The following NRG3 variants were observed in gnomAD, a reference collection of about 807,000 sequenced individuals.
NRG3 encodes pro-neuregulin-3, membrane-bound isoform.
NRG3 carries 31 observed loss-of-function variants against 66.9 expected under a neutral mutation model. The ratio of observed to expected loss-of-function variants is 0.46; its 90% CI spans 0.35 to 0.63. NRG3 has a LOEUF of 0.63. Ranked by LOEUF, NRG3 falls within the 20% of genes least tolerant of loss-of-function variation. The pLI, the probability that NRG3 is intolerant of heterozygous loss-of-function variation, is 0.00. For synonymous variants in NRG3, 393 were observed against 359.4 expected, an observed-to-expected ratio of 1.09 and a Z score of -1.06; for missense variants, 910 against 878.9, an observed-to-expected ratio of 1.04 and a Z score of -0.45.
intron 1 of NRG3, among the ~76,000 whole-genome samples, chr10:82,303,734 G>A (rs953841518): frequency 9.2e-5 from 14 of 152,158 alleles, no homozygotes; most frequent in African/African-American, 1.7e-4. Context: ...CGGGCGTGGT[G>A]GCGAGGGCCT....
chr10:82,665,836 A>G (rs1213362085), intron 2 of NRG3, among the ~76,000 whole-genome samples: 1 of 151,982 alleles, frequency 6.6e-6, no homozygotes, highest in East Asian at 1.9e-4. Context: ...CATCCACTCT[A>G]CTAGCTTTGC....
chr10:82,768,293 G>A (rs952556609), intron 3 of NRG3, among the ~76,000 whole-genome samples: 2 of 152,110 alleles, frequency 1.3e-5, no homozygotes, highest in Non-Finnish European at 2.9e-5. Context: ...TCACTTCTCA[G>A]TTGTGTCCCA....
At chr10:82,785,391 A>T (rs1042552205) in intron 3 of NRG3, among the ~76,000 whole-genome samples, 1 of 151,794 alleles carries the variant, frequency 6.6e-6, no homozygotes, top group African/African-American at 2.4e-5. Context: ...AATTAAATTA[A>T]AAGAAAAAAG....
chr10:82,184,606 C>T (rs895654476), intron 1 of NRG3, among the ~76,000 whole-genome samples: 19 of 152,008 alleles, frequency 1.2e-4, no homozygotes, highest in African/African-American at 4.1e-4. Context: ...TTTTGCAAAC[C>T]CATGACTTAC....
chr10:82,694,597 T>A (rs1197862869), intron 2 of NRG3, among the ~76,000 whole-genome samples: 6 of 151,834 alleles, frequency 4.0e-5, no homozygotes, highest in Non-Finnish European at 8.8e-5. Context: ...CTACTAAAAA[T>A]TTAAAAAATT....
intron 1 of NRG3, among the ~76,000 whole-genome samples, chr10:82,302,854 C>A (rs2080480823): frequency 6.6e-6 from 1 of 152,088 alleles, no homozygotes; most frequent in African/African-American, 2.4e-5. Flanking sequence ...AAGCTTTTGC[C>A]ATTATTTCAA....
chr10:82,440,508 G>A (rs1414720445), intron 2 of NRG3, among the ~76,000 whole-genome samples: 3 of 150,982 alleles, frequency 2.0e-5, no homozygotes, highest in East Asian at 3.9e-4. Flanking sequence ...CCTGTGTCTC[G>A]GAGGCTTTGC....
chr10:82,720,060 A>T (rs77051242), intron 2 of NRG3, among the ~76,000 whole-genome samples: 1,725 of 152,280 alleles, frequency 0.011, 33 homozygotes, highest in African/African-American at 0.031. Context: ...CTTTATCTGT[A>T]CAATAAGTCT....
intron 1 of NRG3, among the ~76,000 whole-genome samples, chr10:81,950,798 A>C (rs973032440): frequency 3.7e-4 from 56 of 152,216 alleles, no homozygotes; most frequent in African/African-American, 1.3e-3. Context: ...GCAACGCTTT[A>C]TGGAAAGAAT....
chr10:82,710,096 A>G (rs556282824), intron 2 of NRG3, among the ~76,000 whole-genome samples: 1 of 152,292 alleles, frequency 6.6e-6, no homozygotes, highest in East Asian at 1.9e-4. Flanking sequence ...GGCTGCTTCC[A>G]ATTTTTACAA....
At chr10:82,214,052 T>C (rs2075542097) in intron 1 of NRG3, among the ~76,000 whole-genome samples, 1 of 152,092 alleles carries the variant, frequency 6.6e-6, no homozygotes, top group Non-Finnish European at 1.5e-5. Flanking sequence ...TCTGGAGGCA[T>C]TGGAAAGGGA....
At chr10:82,097,265 TTCA>T (rs1396247857) in intron 1 of NRG3, among the ~76,000 whole-genome samples, 1 of 151,722 alleles carries the variant, frequency 6.6e-6, no homozygotes. Flanking sequence ...TTAATATGTC[TTCA>T]TATTTTTGCT....
intron 3 of NRG3, among the ~76,000 whole-genome samples, chr10:82,752,039 TGAAA>T (rs1434816983): frequency 2.6e-5 from 4 of 152,262 alleles, no homozygotes; most frequent in African/African-American, 7.2e-5. Context: ...ATTGAATGAG[TGAAA>T]GAGAGACTTG....
intron 2 of NRG3, among the ~76,000 whole-genome samples, chr10:82,447,823 T>C (rs1169409020): frequency 6.6e-6 from 1 of 152,222 alleles, no homozygotes; most frequent in Non-Finnish European, 1.5e-5. Flanking sequence ...TTTCAATGAA[T>C]ATACAAAATC....
At chr10:81,928,240 T>C (rs1310237336) in intron 1 of NRG3, among the ~76,000 whole-genome samples, 1 of 152,216 alleles carries the variant, frequency 6.6e-6, no homozygotes. Context: ...GCATTTGTCC[T>C]TAACCCCAGC....
At chr10:82,315,094 A>G (rs770501124) in intron 1 of NRG3, among the ~76,000 whole-genome samples, 10 of 152,160 alleles carry the variant, frequency 6.6e-5, no homozygotes, top group Admixed American at 2.6e-4. Context: ...GCATAATGCA[A>G]TTTCCATACT....
At chr10:82,824,177 A>T (rs541254594) in intron 3 of NRG3, among the ~76,000 whole-genome samples, 1 of 152,262 alleles carries the variant, frequency 6.6e-6, no homozygotes, top group East Asian at 1.9e-4. Flanking sequence ...TAAACTTTTC[A>T]AGGTTCTTTT....
intron 1 of NRG3, among the ~76,000 whole-genome samples, chr10:82,107,670 C>T (rs2067149238): frequency 6.6e-6 from 1 of 152,194 alleles, no homozygotes; most frequent in African/African-American, 2.4e-5. Context: ...ATGATCATTA[C>T]ACTATTGTTG....
Position 82,466,843 on chromosome 10 carries a change from G to A in NRG3, c.953+107975G>A, listed in dbSNP as rs534080581. On this transcript the variant is annotated intron_variant, in intron 2 of 8. Transcript: ENST00000372141. Reference sequence around the variant, plus strand: ...GGAGGGGCACACACGATGAGGAGGTGAGGACAGGCAAGGGGAAGGGGAAGG... The same window carrying A: ...GGAGGGGCACACACGATGAGGAGGTAAGGACAGGCAAGGGGAAGGGGAAGG... Among the ~76,000 whole-genome samples the A allele has an allele frequency of 4.4e-4, 66 of 151,456 alleles. No homozygotes were observed. The South Asian group carries it at 0.013, about 31-fold the overall frequency.
Sources: allele counts gnomAD v4.1 joint callset (sites outside exome capture counted in the v4.1 genomes callset), GRCh38; gene constraint gnomAD v4.1.1; transcripts MANE v1.5; gene names NCBI Gene and HGNC (gene_info 2026-07-23, HGNC 2026-07-21).